ROBO2: variants seen among roughly 807,000 people sequenced by gnomAD.
The protein encoded by ROBO2 is roundabout guidance receptor 2, also known as roundabout homolog 2.
In ROBO2, 53 loss-of-function variants were observed where a neutral mutation model predicts 160.8. That is an observed-to-expected ratio of 0.33 (90% CI 0.26 to 0.41). The LOEUF (loss-of-function observed/expected upper bound fraction) is 0.41, where lower values mean the gene tolerates loss of function less well. Among genes scored for constraint, ROBO2 ranks in the 10% least tolerant of loss-of-function variants. ROBO2 has a pLI of 1.00. For synonymous variants in ROBO2, 664 were observed against 611.7 expected, an observed-to-expected ratio of 1.09 and a Z score of -1.26; for missense variants, 1,577 against 1,722.4, an observed-to-expected ratio of 0.92 and a Z score of 1.49.
rs1031639572 is a variant in ROBO2 at position 77,267,689 on chromosome 3, G to A, written c.388+169349G>A. 1.7e-4 allele frequency among the ~76,000 whole-genome samples: 26 copies of A among 152,184 alleles called. 1 individual carries two copies. Among genetic ancestry groups the A allele is most frequent in the Non-Finnish European group, 2.8e-4 (19 of 68,034 alleles). Reference sequence around the variant, plus strand: ...CATGCATTAGTGCTTGGCTACAGGAGAGTAGTAATTTATTGATGCAGATGG... The same window carrying A: ...CATGCATTAGTGCTTGGCTACAGGAAAGTAGTAATTTATTGATGCAGATGG... On this transcript the variant is annotated intron_variant, in intron 2 of 25. Coordinates refer to ENST00000461745, the Ensembl canonical transcript of ROBO2.
At chr3:76,796,877 T>C (rs2063740963) in intron 2 of ROBO2, among the ~76,000 whole-genome samples, 1 of 152,022 alleles carries the variant, frequency 6.6e-6, no homozygotes, top group Non-Finnish European at 1.5e-5. Context: ...TATAAGGGGA[T>C]AAATTCAGGA....
chr3:77,375,432 G>A (rs2072496368), intron 2 of ROBO2, among the ~76,000 whole-genome samples: 1 of 152,100 alleles, frequency 6.6e-6, no homozygotes, highest in African/African-American at 2.4e-5. Context: ...TTATTGAATA[G>A]AACTTCACTT....
intron 2 of ROBO2, among the ~76,000 whole-genome samples, chr3:76,716,316 A>G (rs1036174787): frequency 5.9e-5 from 9 of 152,202 alleles, no homozygotes; most frequent in Admixed American, 5.9e-4. Flanking sequence ...TCATTACTTG[A>G]GTAAACATTT....
chr3:77,161,950 A>G (rs1045943080), intron 2 of ROBO2, among the ~76,000 whole-genome samples: 3 of 152,180 alleles, frequency 2.0e-5, no homozygotes, highest in Non-Finnish European at 4.4e-5. Flanking sequence ...ACAGTAATGT[A>G]CCCACAATAT....
At chr3:77,235,207 T>C (rs62249664) in intron 2 of ROBO2, among the ~76,000 whole-genome samples, 216 of 152,322 alleles carry the variant, frequency 1.4e-3, no homozygotes, top group Middle Eastern at 3.4e-3. Flanking sequence ...TGGGAGAATA[T>C]CATACATAGA....
chr3:76,555,423 A>AGG (rs1560141636), intron 2 of ROBO2, among the ~76,000 whole-genome samples: 5 of 75,296 alleles, frequency 6.6e-5, no homozygotes, highest in African/African-American at 1.6e-4. Context: ...AGAAGAAAGA[A>AGG]GGAGAAGGGG....
At chr3:77,037,389 TA>T (rs2063702127), upstream of ROBO2, among the ~76,000 whole-genome samples, 1 of 152,178 alleles carries the variant, frequency 6.6e-6, no homozygotes, top group Admixed American at 6.5e-5. Context: ...AAAAGCCATT[TA>T]AAAAATGGCA....
At chr3:75,992,814 C>T (rs1011925610) in intron 2 of ROBO2, among the ~76,000 whole-genome samples, 1 of 152,214 alleles carries the variant, frequency 6.6e-6, no homozygotes, top group African/African-American at 2.4e-5. Flanking sequence ...TGCTAATCCA[C>T]CTCTTCCATC....
intron 23 of ROBO2, chr3:77,632,419 A>T: frequency 7.4e-7 from 1 of 1,344,810 alleles, no homozygotes; most frequent in Non-Finnish European, 1.0e-6. Context: ...AGTGTGTACA[A>T]GCAGATGAGA....
intron 2 of ROBO2, among the ~76,000 whole-genome samples, chr3:77,276,283 A>C (rs935108966): frequency 3.9e-5 from 6 of 152,044 alleles, no homozygotes; most frequent in Non-Finnish European, 8.8e-5. Context: ...ACCACTTTCC[A>C]TTACTGCCCC....
intron 6 of ROBO2, among the ~76,000 whole-genome samples, chr3:77,526,180 T>G (rs2091138545): frequency 6.6e-6 from 1 of 151,530 alleles, no homozygotes; most frequent in South Asian, 2.1e-4. Context: ...ATTGCCTTAT[T>G]GCCTATGGTC....
intron 2 of ROBO2, among the ~76,000 whole-genome samples, chr3:77,015,930 GT>G (rs1261797834): frequency 6.6e-6 from 1 of 151,720 alleles, no homozygotes; most frequent in Non-Finnish European, 1.5e-5. Context: ...ATAATCTTTT[GT>G]TTTTCCTTCT....
intron 2 of ROBO2, among the ~76,000 whole-genome samples, chr3:77,281,445 C>T (rs974342): frequency 6.6e-6 from 1 of 151,518 alleles, no homozygotes. Context: ...TTTACTGTCT[C>T]TATATGAAGA....
intron 2 of ROBO2, among the ~76,000 whole-genome samples, chr3:76,343,265 A>G (rs978988819): frequency 4.6e-5 from 7 of 152,066 alleles, no homozygotes. Context: ...AAAACAACCT[A>G]TATACTGTGT....
chr3:77,392,595 A>G (rs1444588879), intron 2 of ROBO2, among the ~76,000 whole-genome samples: 1 of 152,186 alleles, frequency 6.6e-6, no homozygotes, highest in Non-Finnish European at 1.5e-5. Flanking sequence ...TGTGTTCTAC[A>G]CTTTTTTAAT....
chr3:76,746,680 G>C (rs2324662), intron 2 of ROBO2, among the ~76,000 whole-genome samples: 1 of 151,960 alleles, frequency 6.6e-6, no homozygotes, highest in African/African-American at 2.4e-5. Flanking sequence ...AGGGTACATA[G>C]GCAGGATGTT....
At chr3:76,566,326 C>T (rs971942900) in intron 2 of ROBO2, among the ~76,000 whole-genome samples, 2 of 152,118 alleles carry the variant, frequency 1.3e-5, no homozygotes, top group Admixed American at 1.3e-4. Context: ...GTGAAGAGAG[C>T]ACATGTAGAG....
intron 5 of ROBO2, among the ~76,000 whole-genome samples, chr3:77,514,232 T>TAAATGG (rs2089746133): frequency 6.6e-6 from 1 of 151,298 alleles, no homozygotes. Flanking sequence ...TCTTAAAGAA[T>TAAATGG]GCTAAATGCA....
At chr3:75,927,107 CTCTTGTCATTCTT>C (rs1947323572) in intron 1 of ROBO2, among the ~76,000 whole-genome samples, 1 of 152,188 alleles carries the variant, frequency 6.6e-6, no homozygotes, top group African/African-American at 2.4e-5. Context: ...AGATCATCCT[CTCTTGTCATTCTT>C]TATCAAGGTC....
Sources: gnomAD v4.1 joint callset for allele counts (sites outside exome capture counted in the v4.1 genomes callset) on GRCh38, gnomAD v4.1.1 for gene constraint, MANE v1.5 for transcripts, NCBI Gene and HGNC (gene_info 2026-07-23, HGNC 2026-07-21) for gene names.